The following PANK2 variants were observed in gnomAD, a reference collection of about 807,000 sequenced individuals.
The protein encoded by PANK2 is pantothenate kinase 2, also known as pantothenate kinase 2, mitochondrial.
Under a neutral mutation model 43.1 loss-of-function variants are expected in PANK2, and 36 were observed. The observed-to-expected ratio is 0.84, with a 90% CI of 0.64 to 1.10. The LOEUF (loss-of-function observed/expected upper bound fraction) is 1.10, where lower values mean the gene tolerates loss of function less well. Among genes scored for constraint, PANK2 ranks in the 50% least tolerant of loss-of-function variants. The probability of loss-of-function intolerance (pLI) is 0.00; values close to 1 mark genes in which losing one functional copy is unlikely to be tolerated. For missense variants in PANK2, 576 were observed against 593.3 expected (o/e 0.97, Z 0.30); for synonymous variants, 281 against 238.2 (o/e 1.18, Z -1.66).
chr20:3,889,760 G>GC, intron 1 of PANK2, 32 bp downstream of exon 1: 1 of 649,520 alleles, frequency 1.5e-6, no homozygotes, highest in Non-Finnish European at 2.4e-6. Context: ...CTCCCGGCCC[G>GC]CCCTGCCCCC....
At chr20:3,894,718 A>G (rs1039017798) in intron 1 of PANK2, among the ~76,000 whole-genome samples, 7 of 152,122 alleles carry the variant, frequency 4.6e-5, no homozygotes, top group Non-Finnish European at 8.8e-5. Context: ...AGCTGGGACT[A>G]CAGGTGTGTG....
chr20:3,921,189 A>T (rs944440554), intron 6 of PANK2: 12 of 143,670 alleles, frequency 8.4e-5, no homozygotes, highest in Non-Finnish European at 1.5e-4. Flanking sequence ...TCCTAATGCT[A>T]TCCCTCCCCC....
chr20:3,912,569 A>G lies in PANK2; in HGVS notation c.1017A>G (p.Leu339=). The change falls in exon 4 of 7, where the codon CTA becomes CTG. Residue 339 remains leucine (L), a synonymous_variant. Coordinates refer to ENST00000610179, the MANE Select transcript of PANK2 (RefSeq NM_001386393.1). Reference sequence around the variant, plus strand: ...GAGATAGCACCAAAGTGGATAAACTAGTACGAGATATTTATGGAGGGGACT... The same window carrying G: ...GAGATAGCACCAAAGTGGATAAACTGGTACGAGATATTTATGGAGGGGACT... 1 of 1,614,178 alleles carries G rather than the reference A, an allele frequency of 6.2e-7. No homozygotes were observed. The highest frequency in any genetic ancestry group is 8.5e-7 in the Non-Finnish European group (1 of 1,180,040).
chr20:3,921,321 G>A (rs1285681911), intron 6 of PANK2: 1 of 151,038 alleles, frequency 6.6e-6, no homozygotes, highest in Non-Finnish European at 1.5e-5. Flanking sequence ...ATATTTTCTT[G>A]CCCTCACATT....
intron 1 of PANK2, among the ~76,000 whole-genome samples, chr20:3,897,701 C>G (rs1239145978): frequency 6.6e-6 from 1 of 151,428 alleles, no homozygotes; most frequent in Non-Finnish European, 1.5e-5. Context: ...CTGTGTCTCT[C>G]AAAAAAACAA....
intron 6 of PANK2, 64 bp from the exon 7 acceptor site, chr20:3,923,180 T>C: frequency 6.4e-7 from 1 of 1,560,182 alleles, no homozygotes; most frequent in African/African-American, 1.4e-5. Flanking sequence ...CTAGTCATCA[T>C]GTGTAAGGTG....
At chr20:3,896,517 T>A (rs1445077077) in intron 1 of PANK2, among the ~76,000 whole-genome samples, 1 of 152,192 alleles carries the variant, frequency 6.6e-6, no homozygotes. Context: ...AGGAGTTAAC[T>A]GATGGCTGGA....
chr20:3,897,390 CA>C (rs2090226549), intron 1 of PANK2, among the ~76,000 whole-genome samples: 1 of 152,060 alleles, frequency 6.6e-6, no homozygotes, highest in African/African-American at 2.4e-5. Context: ...AACTAGAAGG[CA>C]GGGGCCTTCT....
rs2090785534 is a variant in PANK2, at chr20:3,929,377, T to TAAC, written c.*6086_*6088dup. The stretch of plus-strand genomic sequence containing the variant: ...TGGTGCCACTGCACTCCAGTCTGGG[T>TAAC]AACAAGACCCTGTCTCAACAACAAC... On this transcript the variant is annotated 3_prime_UTR_variant, in exon 7 of 7. Coordinates refer to ENST00000610179, the MANE Select transcript of PANK2 (RefSeq NM_001386393.1). 6.6e-6 allele frequency: 1 copy of TAAC among 152,248 alleles called. No individual in the cohort carries two copies. The highest frequency in any genetic ancestry group is 1.5e-5 in the Non-Finnish European group (1 of 68,124). 9.4% of individuals were successfully genotyped at this position (152,248 alleles called of 1,614,324 possible).
At chr20:3,903,631 AT>A (rs534545148) in intron 1 of PANK2, among the ~76,000 whole-genome samples, 169 of 133,346 alleles carry the variant, frequency 1.3e-3, no homozygotes, top group Middle Eastern at 3.9e-3. Flanking sequence ...CGCCCAGCTA[AT>A]TTTTTTTTTT....
At chr20:3,912,131 A>G (rs1443620709) in intron 3 of PANK2, among the ~76,000 whole-genome samples, 1 of 152,142 alleles carries the variant, frequency 6.6e-6, no homozygotes, top group Admixed American at 6.6e-5. Flanking sequence ...CAGGGAATGT[A>G]CTTGGAGAAG....
intron 1 of PANK2, among the ~76,000 whole-genome samples, chr20:3,905,062 T>G (rs1335166906): frequency 6.6e-6 from 1 of 152,212 alleles, no homozygotes; most frequent in Non-Finnish European, 1.5e-5. Context: ...CTGTTTCCAG[T>G]GAAGACTTTG....
At chr20:3,890,060 C>T in intron 1 of PANK2, 1 of 658,530 alleles carries the variant, frequency 1.5e-6, no homozygotes, top group Non-Finnish European at 2.3e-6. Context: ...TCTTTTGACT[C>T]ATTTCCACCT....
intron 1 of PANK2, among the ~76,000 whole-genome samples, chr20:3,895,673 A>G (rs1266119618): frequency 6.6e-6 from 1 of 152,108 alleles, no homozygotes; most frequent in East Asian, 1.9e-4. Flanking sequence ...AATTTGGGGT[A>G]TCTTCAGGCA....
intron 1 of PANK2, among the ~76,000 whole-genome samples, chr20:3,903,017 A>ACACACACACACACACACC (rs1568564374): frequency 8.4e-6 from 1 of 118,792 alleles, no homozygotes; most frequent in African/African-American, 3.2e-5. Context: ...ACACACACAC[A>ACACACACACACACACACC]CCCCTTTTAC....
Position 3,911,583 on chromosome 20 carries a change from C to CAA in PANK2, c.905+762_905+763dup, listed in dbSNP as rs11414834. On this transcript the variant is annotated intron_variant, in intron 3 of 6. Transcript: ENST00000610179. ...TGGGTGACAGAGTGAGACTCCGTCT[C>CAA]AAAAAAAAAAGAAAAGAGAGTATTA... is the stretch of plus-strand genomic sequence containing the variant. Among the ~76,000 whole-genome samples the CAA allele has an allele frequency of 6.1e-3, 890 of 145,838 alleles. 8 individuals carry two copies. The highest frequency in any genetic ancestry group is 0.018 in the African/African-American group (689 of 39,290).
At position 3,923,683 on chromosome 20, in the gene PANK2, A is replaced by G. The variant is rs972082023; in HGVS notation, c.*389A>G. On this transcript the variant is annotated 3_prime_UTR_variant, in exon 7 of 7. Coordinates refer to ENST00000610179, the MANE Select transcript of PANK2 (RefSeq NM_001386393.1). Reference sequence around the variant, plus strand: ...GTAAGGCAGGCTACTATGCGTTATAATCTAATCACAATTTGTCAATATGGT... The same window carrying G: ...GTAAGGCAGGCTACTATGCGTTATAGTCTAATCACAATTTGTCAATATGGT... 1 of 271,146 alleles carries G rather than the reference A, an allele frequency of 3.7e-6. No individual in the cohort carries two copies. Among genetic ancestry groups the G allele is most frequent in the Non-Finnish European group, 7.2e-6 (1 of 139,494 alleles). The allele number at this position is 271,146 out of a possible 1,614,324, so 16.8% of individuals were successfully genotyped here.
upstream of PANK2, chr20:3,888,853 G>C (rs2090057162): frequency 2.1e-6 from 1 of 483,094 alleles, no homozygotes; most frequent in Non-Finnish European, 3.7e-6. Flanking sequence ...TGGGGGAGGG[G>C]CTGGCGGCCT....
intron 6 of PANK2, among the ~76,000 whole-genome samples, chr20:3,919,222 G>GAACTAA (rs2090610972): frequency 6.6e-6 from 1 of 152,138 alleles, no homozygotes; most frequent in African/African-American, 2.4e-5. Context: ...TTTTTTGGTA[G>GAACTAA]TTTAATTTCG....
Sources: allele counts gnomAD v4.1 joint callset (sites outside exome capture counted in the v4.1 genomes callset), GRCh38; gene constraint gnomAD v4.1.1; transcripts MANE v1.5; gene names NCBI Gene and HGNC (gene_info 2026-07-23, HGNC 2026-07-21).